Variants in ARHGAP24 observed in about 807,000 individuals in gnomAD.
ARHGAP24 encodes the protein Rho GTPase activating protein 24.
Under a neutral mutation model 76.4 loss-of-function variants are expected in ARHGAP24, and 50 were observed. The ratio of observed to expected loss-of-function variants is 0.65; its 90% CI spans 0.52 to 0.83. The LOEUF is 0.83. ARHGAP24 is among the 40% of genes least tolerant of loss of function. The pLI is 0.00. For missense variants in ARHGAP24, 930 were observed against 914.2 expected, an observed-to-expected ratio of 1.02 and a Z score of -0.22; for synonymous variants, 345 against 323.3, an observed-to-expected ratio of 1.07 and a Z score of -0.72.
chr4:85,527,385 A>G (rs17383402), intron 1 of ARHGAP24, among the ~76,000 whole-genome samples: 2,497 of 152,168 alleles, frequency 0.016, 27 homozygotes, highest in Middle Eastern at 0.041. Flanking sequence ...TAAATGGCAT[A>G]TTTTCTATTT....
chr4:85,682,037 TATAGAGC>T (rs1233860556), intron 2 of ARHGAP24, among the ~76,000 whole-genome samples: 1 of 52,850 alleles, frequency 1.9e-5, no homozygotes, highest in Non-Finnish European at 5.4e-5. Flanking sequence ...CAGGACATAG[TATAGAGC>T]ATAATTTAAA....
At chr4:85,779,551 A>T (rs1267557525) in intron 3 of ARHGAP24, among the ~76,000 whole-genome samples, 2 of 152,032 alleles carry the variant, frequency 1.3e-5, no homozygotes, top group East Asian at 3.9e-4. Flanking sequence ...TGTTAATTTT[A>T]ATCCTTCCTT....
In ARHGAP24 at chr4:85,687,432, C is replaced by T. The variant is rs1723465859; in HGVS notation, c.181-34453C>T. 2.0e-5 allele frequency among the ~76,000 whole-genome samples: 3 copies of T among 152,188 alleles called. No homozygotes were observed. The South Asian group carries it at 6.2e-4, about 32-fold the overall frequency. On this transcript the variant is annotated intron_variant, in intron 2 of 9. Coordinates refer to ENST00000395184, the MANE Select transcript of ARHGAP24 (RefSeq NM_001025616.3). ...TTAATCCACAGCCCCTACTCTCTCCCCGCTTTAGTAGTTCACATTGTCTGT... is the reference window on the plus strand; with the variant it reads ...TTAATCCACAGCCCCTACTCTCTCCTCGCTTTAGTAGTTCACATTGTCTGT...
At chr4:85,721,167 A>G (rs980666575) in intron 2 of ARHGAP24, among the ~76,000 whole-genome samples, 22 of 152,154 alleles carry the variant, frequency 1.4e-4, no homozygotes, top group Admixed American at 4.6e-4. Flanking sequence ...AAGCCGAGGC[A>G]GGTGGATCAC....
intron 3 of ARHGAP24, among the ~76,000 whole-genome samples, chr4:85,864,137 A>G (rs1463732862): frequency 6.6e-6 from 1 of 152,104 alleles, no homozygotes; most frequent in Non-Finnish European, 1.5e-5. Context: ...TGCCATTTTG[A>G]AAATGTCTAG....
intron 2 of ARHGAP24, among the ~76,000 whole-genome samples, chr4:85,694,588 T>C (rs72656232): frequency 0.078 from 11,837 of 152,230 alleles, 515 homozygotes; most frequent in Middle Eastern, 0.1. Flanking sequence ...TTTCTATTGT[T>C]TGCAAACATG....
At chr4:85,909,327 A>T (rs1436460767) in intron 3 of ARHGAP24, among the ~76,000 whole-genome samples, 1 of 151,398 alleles carries the variant, frequency 6.6e-6, no homozygotes, top group East Asian at 1.9e-4. Context: ...TGGTGTGTGT[A>T]TGTATGTGTG....
intron 2 of ARHGAP24, among the ~76,000 whole-genome samples, chr4:85,578,778 T>A (rs1262965701): frequency 6.6e-6 from 1 of 152,216 alleles, no homozygotes; most frequent in East Asian, 1.9e-4. Context: ...TGTACCATCT[T>A]TGTCCATCAG....
At chr4:85,661,246 C>G (rs1272230157) in intron 2 of ARHGAP24, among the ~76,000 whole-genome samples, 1 of 97,532 alleles carries the variant, frequency 1.0e-5, no homozygotes, top group African/African-American at 4.2e-5. Flanking sequence ...AAAAAAGTAG[C>G]TTAGTTAACT....
chr4:85,520,849 T>C (rs764335884), intron 1 of ARHGAP24, among the ~76,000 whole-genome samples: 85 of 152,222 alleles, frequency 5.6e-4, no homozygotes, highest in Admixed American at 2.5e-3. Flanking sequence ...CCAATGAAGA[T>C]AGAGAGGCAC....
chr4:85,606,876 G>T (rs936683389), intron 2 of ARHGAP24, among the ~76,000 whole-genome samples: 2 of 152,202 alleles, frequency 1.3e-5, no homozygotes, highest in Admixed American at 1.3e-4. Flanking sequence ...TGGAGCCAGG[G>T]AAGAAAATAA....
At chr4:85,487,310 A>G (rs1259471597) in intron 1 of ARHGAP24, among the ~76,000 whole-genome samples, 4 of 120,912 alleles carry the variant, frequency 3.3e-5, no homozygotes, top group African/African-American at 1.3e-4. Context: ...TATTTATTAT[A>G]TATAAAATAT....
intron 3 of ARHGAP24, among the ~76,000 whole-genome samples, chr4:85,751,731 GCCTTCCC>G (rs1726273631): frequency 6.6e-6 from 1 of 152,144 alleles, no homozygotes; most frequent in Non-Finnish European, 1.5e-5. Flanking sequence ...CCAGGAAACT[GCCTTCCC>G]AATCCCTCAA....
At chr4:85,668,540 C>T (rs530304188) in intron 2 of ARHGAP24, among the ~76,000 whole-genome samples, 15 of 152,108 alleles carry the variant, frequency 9.9e-5, no homozygotes, top group Non-Finnish European at 2.2e-4. Context: ...AGAGAAGAGG[C>T]TAGTGGCATC....
At chr4:85,894,556 C>A (rs181163951) in intron 3 of ARHGAP24, among the ~76,000 whole-genome samples, 2 of 152,268 alleles carry the variant, frequency 1.3e-5, no homozygotes, top group Admixed American at 1.3e-4. Context: ...TTTATCAACT[C>A]TAAGCAAAGT....
intron 2 of ARHGAP24, among the ~76,000 whole-genome samples, chr4:85,622,540 A>G (rs1454114201): frequency 6.6e-6 from 1 of 152,044 alleles, no homozygotes; most frequent in Non-Finnish European, 1.5e-5. Flanking sequence ...TATTGTGAAT[A>G]GTGCTGCTAT....
rs541768818 is a variant in ARHGAP24, at chr4:85,631,582, C to T, written c.180+60861C>T. On this transcript the variant is annotated intron_variant, in intron 2 of 9. Coordinates refer to ENST00000395184, the MANE Select transcript of ARHGAP24 (RefSeq NM_001025616.3). ...TAAGACTTACAAAAAATTATACAAC[C>T]GTAATCCCCACGTTTTAAATAGATT... Among the ~76,000 whole-genome samples, 221 of 152,130 alleles carry T rather than the reference C, an allele frequency of 1.5e-3. 1 individual carries two copies. The highest frequency in any genetic ancestry group is 1.9e-3 in the Non-Finnish European group (131 of 67,946).
chr4:85,669,672 TATA>T (rs1722756836), intron 2 of ARHGAP24, among the ~76,000 whole-genome samples: 1 of 66,922 alleles, frequency 1.5e-5, no homozygotes, highest in South Asian at 7.8e-4. Context: ...TATATATATA[TATA>T]TATATATATA....
At chr4:85,802,539 C>G (rs113211257) in intron 3 of ARHGAP24, among the ~76,000 whole-genome samples, 12,762 of 152,278 alleles carry the variant, frequency 0.084, 1,504 homozygotes, top group African/African-American at 0.27. Context: ...CGCCTGTAAT[C>G]CTAGCACTTT....
Sources: allele counts gnomAD v4.1 joint callset (sites outside exome capture counted in the v4.1 genomes callset), GRCh38; gene constraint gnomAD v4.1.1; transcripts MANE v1.5; gene names NCBI Gene and HGNC (gene_info 2026-07-23, HGNC 2026-07-21).